The following GLI2 variants were observed in gnomAD, a reference collection of about 807,000 sequenced individuals.
GLI2 encodes transcription activator GLI2.
A neutral mutation model predicts 78.9 loss-of-function variants in GLI2; 22 were observed. That is an observed-to-expected ratio of 0.28 (90% CI 0.20 to 0.40). The LOEUF is 0.40. GLI2 is among the 10% of genes least tolerant of loss of function. GLI2 has a pLI of 1.00. For synonymous variants in GLI2, 974 were observed against 963.7 expected (o/e 1.01, Z -0.20); for missense variants, 2,097 against 2,213.2 (o/e 0.95, Z 1.05).
chr2:120,854,865 ATGC>A (rs1017619889), intron 2 of GLI2, among the ~76,000 whole-genome samples: 1 of 152,136 alleles, frequency 6.6e-6, no homozygotes, highest in African/African-American at 2.4e-5. Flanking sequence ...AAGTCCCCAG[ATGC>A]TGCTGCTGCT....
At chr2:120,924,393 T>C (rs903246625) in intron 2 of GLI2, among the ~76,000 whole-genome samples, 9 of 152,150 alleles carry the variant, frequency 5.9e-5, no homozygotes, top group Non-Finnish European at 8.8e-5. Flanking sequence ...GAGCCTTCGA[T>C]TCTCCTCTTG....
At chr2:120,877,539 C>T (rs796589171) in intron 2 of GLI2, among the ~76,000 whole-genome samples, 4 of 152,274 alleles carry the variant, frequency 2.6e-5, no homozygotes, top group Non-Finnish European at 4.4e-5. Context: ...CCACCACTCC[C>T]CCATTTTGGG....
At chr2:120,880,137 G>A (rs1677048369) in intron 2 of GLI2, among the ~76,000 whole-genome samples, 1 of 152,152 alleles carries the variant, frequency 6.6e-6, no homozygotes. Context: ...ACTGGGGAAA[G>A]AAAGTTGTCT....
At chr2:120,883,192 A>G (rs907395396) in intron 2 of GLI2, among the ~76,000 whole-genome samples, 2 of 152,208 alleles carry the variant, frequency 1.3e-5, no homozygotes, top group Non-Finnish European at 2.9e-5. Context: ...TATCAAGCCT[A>G]AAAGATAACC....
intron 1 of GLI2, among the ~76,000 whole-genome samples, chr2:120,775,440 C>CTGG (rs1191629145): frequency 2.0e-5 from 3 of 152,222 alleles, no homozygotes; most frequent in Middle Eastern, 3.2e-3. Context: ...CGTGTGCCTG[C>CTGG]TGGATGGCTT....
chr2:120,809,991 G>A (rs1323077085), intron 2 of GLI2, among the ~76,000 whole-genome samples: 3 of 152,218 alleles, frequency 2.0e-5, no homozygotes, highest in African/African-American at 7.2e-5. Context: ...TGAGAGAGAT[G>A]CCCTGTGAGC....
intron 13 of GLI2, 146 bp downstream of exon 13, chr2:120,986,760 C>A: frequency 1.5e-6 from 1 of 672,158 alleles, no homozygotes; most frequent in East Asian, 2.7e-5. Context: ...AACTGAGGCT[C>A]AGAGAGGTGA....
chr2:120,859,452 C>CTTTT (rs57311162), intron 2 of GLI2, among the ~76,000 whole-genome samples: 9 of 125,494 alleles, frequency 7.2e-5, no homozygotes, highest in South Asian at 2.6e-4. Flanking sequence ...ATACTCCCTC[C>CTTTT]TTTTTTTTTT....
intron 1 of GLI2, among the ~76,000 whole-genome samples, chr2:120,738,104 T>A (rs1296868262): frequency 6.6e-6 from 1 of 152,240 alleles, no homozygotes; most frequent in African/African-American, 2.4e-5. Flanking sequence ...TACCTGGGCC[T>A]GACTCCACAG....
intron 1 of GLI2, among the ~76,000 whole-genome samples, chr2:120,770,482 C>T (rs1245430454): frequency 6.6e-6 from 1 of 152,170 alleles, no homozygotes; most frequent in East Asian, 1.9e-4. Context: ...CATCAGGGGA[C>T]CCAGGAGCTG....
intron 2 of GLI2, among the ~76,000 whole-genome samples, chr2:120,891,920 C>T (rs1389238445): frequency 6.6e-6 from 1 of 152,214 alleles, no homozygotes; most frequent in Non-Finnish European, 1.5e-5. Flanking sequence ...CTTTCCACTG[C>T]ACTCCAGGTG....
chr2:120,964,516 A>C (rs1336738096), intron 5 of GLI2, among the ~76,000 whole-genome samples: 1 of 152,204 alleles, frequency 6.6e-6, no homozygotes, highest in Non-Finnish European at 1.5e-5. Flanking sequence ...TGGAGTTTGA[A>C]AGGAGAGATT....
intron 10 of GLI2, among the ~76,000 whole-genome samples, chr2:120,981,676 G>A (rs1315213979): frequency 6.6e-6 from 1 of 152,194 alleles, no homozygotes; most frequent in African/African-American, 2.4e-5. Context: ...CCTGCCGGGT[G>A]TACGTGTCCT....
intron 10 of GLI2, among the ~76,000 whole-genome samples, chr2:120,980,422 C>T (rs974553640): frequency 4.6e-5 from 7 of 152,198 alleles, no homozygotes; most frequent in Non-Finnish European, 1.0e-4. Context: ...TGCTTATTGG[C>T]CATTTGCGTA....
Position 120,962,264 on chromosome 2 carries a change from T to C in GLI2, c.644-6450T>C, listed in dbSNP as rs181873830. On this transcript the variant is annotated intron_variant, in intron 5 of 13. Transcript: ENST00000361492. ...CTTCCTACTGCCTCAGGGAAAACAA[T>C]GATCTCCCTCCTGAGCACCTTGGGA... Among the ~76,000 whole-genome samples the C allele has an allele frequency of 2.6e-5, 4 of 152,318 alleles. No homozygotes were observed. The East Asian group carries it at 5.8e-4, about 22-fold the overall frequency.
chr2:120,768,174 G>A (rs1212158861), intron 1 of GLI2, among the ~76,000 whole-genome samples: 1 of 152,214 alleles, frequency 6.6e-6, no homozygotes, highest in Non-Finnish European at 1.5e-5. Context: ...ATGATCACAG[G>A]AGCCCGCCTT....
intron 2 of GLI2, among the ~76,000 whole-genome samples, chr2:120,868,403 TC>T (rs1326045530): frequency 6.6e-6 from 1 of 152,260 alleles, no homozygotes; most frequent in African/African-American, 2.4e-5. Context: ...TCGTCTTTTT[TC>T]TTTGCAACAT....
At chr2:120,798,740 A>G (rs1003478878) in intron 2 of GLI2, among the ~76,000 whole-genome samples, 3 of 152,008 alleles carry the variant, frequency 2.0e-5, no homozygotes, top group African/African-American at 7.2e-5. Context: ...TCTTAGGTGG[A>G]GTGGGAGGAG....
intron 3 of GLI2, among the ~76,000 whole-genome samples, chr2:120,935,116 A>C (rs1680131899): frequency 6.6e-6 from 1 of 152,130 alleles, no homozygotes; most frequent in African/African-American, 2.4e-5. Flanking sequence ...CCCTCTGCAA[A>C]CATGCTCGTT....
Sources: gnomAD v4.1 joint callset for allele counts (sites outside exome capture counted in the v4.1 genomes callset) on GRCh38, gnomAD v4.1.1 for gene constraint, MANE v1.5 for transcripts, NCBI Gene and HGNC (gene_info 2026-07-23, HGNC 2026-07-21) for gene names.